The following PEAK1 variants were observed in gnomAD, a reference collection of about 807,000 sequenced individuals.
PEAK1 encodes the protein inactive tyrosine-protein kinase PEAK1.
Under a neutral mutation model 124.7 loss-of-function variants are expected in PEAK1, and 54 were observed. That is an observed-to-expected ratio of 0.43 (90% CI 0.35 to 0.54). The LOEUF is 0.54. Ranked by LOEUF, PEAK1 falls within the 20% of genes least tolerant of loss-of-function variation. The pLI is 0.01. For missense variants in PEAK1, 2,046 were observed against 2,134.5 expected, an observed-to-expected ratio of 0.96 and a Z score of 0.82; for synonymous variants, 719 against 760.0, an observed-to-expected ratio of 0.95 and a Z score of 0.89.
At chr15:77,275,445 T>C (rs956649618) in intron 5 of PEAK1, among the ~76,000 whole-genome samples, 1 of 152,136 alleles carries the variant, frequency 6.6e-6, no homozygotes, top group African/African-American at 2.4e-5. Flanking sequence ...AGGCTGGGCA[T>C]GGTGGCTCAT....
chr15:77,296,174 T>C (rs1396607476), intron 2 of PEAK1, among the ~76,000 whole-genome samples: 1 of 152,166 alleles, frequency 6.6e-6, no homozygotes, highest in Non-Finnish European at 1.5e-5. Flanking sequence ...AATGAGTCAC[T>C]AGGGAATAAA....
intron 6 of PEAK1, among the ~76,000 whole-genome samples, chr15:77,251,992 G>T (rs1287073102): frequency 6.6e-6 from 1 of 152,238 alleles, no homozygotes; most frequent in Non-Finnish European, 1.5e-5. Context: ...AACACTGCCT[G>T]TTCAGTAAAG....
intron 2 of PEAK1, among the ~76,000 whole-genome samples, chr15:77,296,223 C>A (rs2063479147): frequency 6.6e-6 from 1 of 152,116 alleles, no homozygotes; most frequent in African/African-American, 2.4e-5. Flanking sequence ...TCATGAATTA[C>A]CCTTACCTAA....
At chr15:77,402,305 A>T in intron 1 of PEAK1, 1 of 985,360 alleles carries the variant, frequency 1.0e-6, no homozygotes, top group Non-Finnish European at 1.2e-6. Context: ...GCATATCTAG[A>T]CATCGGGGAG....
chr15:77,408,201 C>T (rs1389208085), intron 1 of PEAK1, among the ~76,000 whole-genome samples: 5 of 148,884 alleles, frequency 3.4e-5, no homozygotes, highest in African/African-American at 1.2e-4. Flanking sequence ...TGGAATACTA[C>T]TCAGCCATAA....
chr15:77,380,796 C>CGTTG (rs749303560), intron 1 of PEAK1, among the ~76,000 whole-genome samples: 39 of 152,104 alleles, frequency 2.6e-4, no homozygotes, highest in Admixed American at 6.5e-5. Context: ...AGTTATTATG[C>CGTTG]AACAACTATT....
intron 1 of PEAK1, among the ~76,000 whole-genome samples, chr15:77,366,176 G>A (rs1040044630): frequency 2.0e-5 from 3 of 152,126 alleles, no homozygotes; most frequent in Non-Finnish European, 4.4e-5. Flanking sequence ...TTCAACTTAG[G>A]TGTAGAAACA....
intron 1 of PEAK1, chr15:77,370,962 G>A (rs1483218787): frequency 9.7e-5 from 54 of 558,980 alleles, no homozygotes; most frequent in African/African-American, 7.2e-4. Context: ...CCCAGGAGGC[G>A]GAGGTTGCAG....
intron 1 of PEAK1, among the ~76,000 whole-genome samples, chr15:77,375,812 G>A (rs1231586444): frequency 6.6e-6 from 1 of 151,968 alleles, no homozygotes; most frequent in Admixed American, 6.6e-5. Context: ...TGGCTAACAC[G>A]GTGAAACCCT....
chr15:77,218,769 C>T (rs1393894159), intron 6 of PEAK1, among the ~76,000 whole-genome samples: 1 of 151,838 alleles, frequency 6.6e-6, no homozygotes. Context: ...TATTTTTTTT[C>T]CCAGTTTCTC....
intron 1 of PEAK1, among the ~76,000 whole-genome samples, chr15:77,392,658 T>A (rs2070568148): frequency 6.6e-6 from 1 of 152,200 alleles, no homozygotes; most frequent in Non-Finnish European, 1.5e-5. Context: ...TCTACCCTCA[T>A]GGACGGTCTT....
chr15:77,159,670 A>G (rs1213916122), intron 7 of PEAK1, among the ~76,000 whole-genome samples: 2 of 152,224 alleles, frequency 1.3e-5, no homozygotes, highest in African/African-American at 4.8e-5. Context: ...AAGGAAACAT[A>G]TATGATTACA....
At chr15:77,344,831 G>A (rs545282361) in intron 2 of PEAK1, among the ~76,000 whole-genome samples, 20 of 152,026 alleles carry the variant, frequency 1.3e-4, no homozygotes, top group Admixed American at 2.0e-4. Flanking sequence ...TCTTCATTTC[G>A]AAACCATTTT....
At chr15:77,250,257 A>ATGTATATGTATATATATATATTTTTT (rs1372164177) in intron 6 of PEAK1, among the ~76,000 whole-genome samples, 2 of 126,218 alleles carry the variant, frequency 1.6e-5, no homozygotes, top group African/African-American at 6.0e-5. Context: ...ATATATATAT[A>ATGTATATGTATATATATATATTTTTT]TTTTTTTTTG....
intron 1 of PEAK1, among the ~76,000 whole-genome samples, chr15:77,380,153 CT>C (rs2069356934): frequency 6.6e-6 from 1 of 151,988 alleles, no homozygotes; most frequent in Non-Finnish European, 1.5e-5. Context: ...ATTTTCATTC[CT>C]TTTCTTCCAC....
intron 2 of PEAK1, chr15:77,347,515 C>T (rs1234901231): frequency 6.1e-6 from 6 of 985,192 alleles, no homozygotes; most frequent in Admixed American, 6.1e-5. Context: ...ATAATAGGAA[C>T]CGTTAAAGCA....
chr15:77,265,087 C>T, intron 5 of PEAK1, among the ~76,000 whole-genome samples: 1 of 152,122 alleles, frequency 6.6e-6, no homozygotes, highest in East Asian at 1.9e-4. Flanking sequence ...TTCCTTACAC[C>T]TTACACAAAA....
chr15:77,126,658 CTGAGA>C (rs2052400598), intron 9 of PEAK1, among the ~76,000 whole-genome samples: 3 of 152,098 alleles, frequency 2.0e-5, no homozygotes, highest in Admixed American at 1.3e-4. Context: ...TAACAATCAT[CTGAGA>C]TAAGTAGGGC....
chr15:77,263,917 G>A (rs1219282899), intron 5 of PEAK1, among the ~76,000 whole-genome samples: 2 of 152,014 alleles, frequency 1.3e-5, no homozygotes, highest in African/African-American at 2.4e-5. Flanking sequence ...CCATGATCAA[G>A]TGGGCTTCAA....
Sources: gnomAD v4.1 joint callset for allele counts (sites outside exome capture counted in the v4.1 genomes callset) on GRCh38, gnomAD v4.1.1 for gene constraint, MANE v1.5 for transcripts, NCBI Gene and HGNC (gene_info 2026-07-23, HGNC 2026-07-21) for gene names.